ITGA10: variants seen among roughly 807,000 people sequenced by gnomAD.
The protein encoded by ITGA10 is integrin alpha-10.
A neutral mutation model predicts 145.2 loss-of-function variants in ITGA10; 105 were observed. That is an observed-to-expected ratio of 0.72 (90% confidence interval 0.62 to 0.85). ITGA10 has a LOEUF of 0.85. Ranked by LOEUF, ITGA10 falls within the 40% of genes least tolerant of loss-of-function variation. ITGA10 has a pLI of 0.00. For synonymous variants in ITGA10, 506 were observed against 557.8 expected (o/e 0.91, Z 1.31); for missense variants, 1,317 against 1,444.5 (o/e 0.91, Z 1.43).
At chr1:145,906,077 G>T in intron 5 of ITGA10, 1 of 295,304 alleles carries the variant, frequency 3.4e-6, no homozygotes. Context: ...ATGCACTAGC[G>T]CACCCAGCTA....
rs182663887 is a variant in ITGA10 at position 145,894,745 on chromosome 1, T to G, written c.3228+535A>C. 1.1e-3 allele frequency among the ~76,000 whole-genome samples: 173 copies of G among 152,292 alleles called. 1 individual carries two copies. Among genetic ancestry groups the G allele is most frequent in the African/African-American group, 4.0e-3 (168 of 41,564 alleles). On this transcript the variant is annotated intron_variant, in intron 27 of 29. Coordinates refer to ENST00000369304, the MANE Select transcript of ITGA10 (RefSeq NM_003637.5). The stretch of plus-strand genomic sequence containing the variant: ...ATCCCTCTCACCTATACAATCTTAC[T>G]TCCCACCACTCCCCAGTACAAATCC...
intron 1 of ITGA10, among the ~76,000 whole-genome samples, chr1:145,909,598 G>GTATATTATATATAATATATAATTATGTTA (rs1559218508): frequency 2.3e-5 from 3 of 130,004 alleles, no homozygotes; most frequent in East Asian, 2.1e-4. Flanking sequence ...CATATTATAT[G>GTATATTATATATAATATATAATTATGTTA]TATATTATAT....
At chr1:145,900,214 G>A (rs781811429) in intron 14 of ITGA10, 27 bp from the exon 15 acceptor site, 2 of 1,594,160 alleles carry the variant, frequency 1.3e-6, no homozygotes, top group South Asian at 2.3e-5. Context: ...GAATACTGAG[G>A]CAGGGACCCA....
intron 6 of ITGA10, 61 bp downstream of exon 6, chr1:145,904,623 C>T (rs1656864298): frequency 5.7e-6 from 9 of 1,588,726 alleles, no homozygotes; most frequent in Admixed American, 3.3e-5. Flanking sequence ...GATCCTCCCA[C>T]CTCCACCTCT....
At position 145,898,155 on chromosome 1, in the gene ITGA10, T is replaced by G; in HGVS notation, c.2301A>C (p.Pro767=). The G allele has an allele frequency of 6.2e-7, 1 of 1,614,074 alleles. No homozygotes were observed. The highest frequency in any genetic ancestry group is 8.5e-7 in the Non-Finnish European group (1 of 1,179,986). ...GTGAGCCCTCATTCAGCACAGGCCC[T>G]GGCTTTGTAGTATTGTCCAAGGCAA... ...VTFALDNTTK[P]GPVLNEGSPT... Residue 767 remains proline, a synonymous_variant, in exon 18 of 30, where the codon CCA becomes CCC. Coordinates refer to ENST00000369304, the MANE Select transcript of ITGA10 (RefSeq NM_003637.5).
In ITGA10 at chr1:145,904,588, T is replaced by C. The variant is rs587748542; in HGVS notation, c.609+96A>G. On this transcript the variant is annotated intron_variant, in intron 6 of 29. Transcript: ENST00000369304. ...TGAGGTCTCACTGTATTGCCCAGGC[T>C]AGTCTTGAACTCCTGGCCTCAGGGG... 3.1e-6 allele frequency: 4 copies of C among 1,306,072 alleles called. 1 individual carries two copies. The South Asian group carries it at 5.0e-5, about 16-fold the overall frequency. 80.9% of individuals were successfully genotyped at this position (1,306,072 alleles called of 1,614,324 possible). A position where few individuals can be genotyped will look rare whatever the true frequency, so the allele number is the denominator to read the frequency against.
Position 145,893,584 on chromosome 1 carries a change from C to A in ITGA10, c.3280G>T (p.Glu1094Ter). ...VVSTFELGTEEGSVLQLTEAS... is the reference protein window; with the variant it reads ...VVSTFELGTE ...TCAGTCAGCTGTAGGACACTGCCCT[C>A]TTCGGTTCCCAGCTCAAAGGTGCTG... Residue 1094 changes from glutamate to a stop codon, truncating the protein, a stop_gained, in exon 28 of 30, where the codon GAG (glutamate) becomes TAG (stop). Coordinates refer to ENST00000369304, the MANE Select transcript of ITGA10 (RefSeq NM_003637.5). LOFTEE classifies it high-confidence loss of function. The A allele has an allele frequency of 6.2e-7, 1 of 1,613,398 alleles. No homozygotes were observed. Among genetic ancestry groups the A allele is most frequent in the East Asian group, 2.2e-5 (1 of 44,864 alleles).
At position 145,906,691 on chromosome 1, in the gene ITGA10, T is replaced by G. The variant is rs200514777; in HGVS notation, c.366+42A>C. On this transcript the variant is annotated intron_variant, in intron 4 of 29. Transcript: ENST00000369304. ...TACCACACTTCTCTTTTTTCTTTTA[T>G]GGACCTTCAGAGACACTGCCACCAC... 2.7e-5 allele frequency: 40 copies of G among 1,495,210 alleles called. No homozygotes were observed. In the Admixed American group the frequency reaches 4.8e-4, roughly 18 times the overall value. The allele number at this position is 1,495,210 out of a possible 1,614,324, so 92.6% of individuals were successfully genotyped here. A position where few individuals can be genotyped will look rare whatever the true frequency, so the allele number is the denominator to read the frequency against.
chr1:145,892,941 G>T, intron 29 of ITGA10, 78 bp from the exon 30 acceptor site: 1 of 1,136,236 alleles, frequency 8.8e-7, no homozygotes, highest in Non-Finnish European at 1.3e-6. Context: ...CTTATCTGAG[G>T]TCTTCACTTT....
chr1:145,893,881 G>A (rs1223854252), intron 27 of ITGA10, among the ~76,000 whole-genome samples: 1 of 151,882 alleles, frequency 6.6e-6, no homozygotes, highest in Non-Finnish European at 1.5e-5. Flanking sequence ...TACCTGAAAT[G>A]CATTCTACTC....
intron 28 of ITGA10, 88 bp from the exon 29 acceptor site, chr1:145,893,362 G>GAATA: frequency 9.5e-7 from 1 of 1,055,760 alleles, no homozygotes; most frequent in East Asian, 2.4e-5. Context: ...CCCCCAAATA[G>GAATA]AATAAATAAC....
In ITGA10 at chr1:145,902,281, T is replaced by C; in HGVS notation, c.1114A>G (p.Met372Val). 1 of 1,614,160 alleles carries C rather than the reference T, an allele frequency of 6.2e-7. No individual in the cohort carries two copies. The highest frequency in any genetic ancestry group is 1.1e-5 in the South Asian group (1 of 91,080). Reference sequence around the variant, plus strand: ...TGAGTGGAGAAACCAATCTGAGACATTTCCAGCCCAAAGGAGCTTTCGTTT... The same window carrying C: ...TGAGTGGAGAAACCAATCTGAGACACTTCCAGCCCAAAGGAGCTTTCGTTT... ...AENESSFGLE[M>V]SQIGFSTHRL... The change falls in exon 10 of 30, where the codon ATG (methionine) becomes GTG (valine). Residue 372 changes from methionine to valine, a missense_variant. By Grantham distance (21) the Met-to-Val change is conservative. Transcript: ENST00000369304.
intron 17 of ITGA10, 24 bp downstream of exon 17, chr1:145,898,912 A>C (rs587763696): frequency 3.1e-6 from 5 of 1,603,010 alleles, no homozygotes; most frequent in Non-Finnish European, 3.4e-6. Flanking sequence ...CCCTGATGCT[A>C]AGCAGTTACT....
At chr1:145,908,991 GA>G (rs587619059) in intron 1 of ITGA10, among the ~76,000 whole-genome samples, 35 of 151,804 alleles carry the variant, frequency 2.3e-4, no homozygotes, top group Admixed American at 1.2e-3. Context: ...GGCTTAGGAT[GA>G]AGATTTTATA....
intron 27 of ITGA10, among the ~76,000 whole-genome samples, chr1:145,894,061 C>T (rs1321229169): frequency 6.7e-6 from 1 of 149,370 alleles, no homozygotes; most frequent in African/African-American, 2.5e-5. Context: ...GCCTTACTAA[C>T]CTTTGTGTCC....
chr1:145,907,280 T>C (rs980753806), intron 2 of ITGA10, 74 bp downstream of exon 2: 13 of 1,611,104 alleles, frequency 8.1e-6, no homozygotes, highest in African/African-American at 1.3e-5. Context: ...TAGTTTAGAG[T>C]CCCATCTATC....
Position 145,907,384 on chromosome 1 carries a change from A to G in ITGA10, c.134T>C (p.Val45Ala), listed in dbSNP as rs782504939. The G allele has an allele frequency of 6.2e-7, 1 of 1,614,082 alleles. No homozygotes were observed. Among genetic ancestry groups the G allele is most frequent in the South Asian group, 1.1e-5 (1 of 91,072 alleles). ...CTGTCCACCCCCAACATGTTGTAAG[A>G]CACTGTATCCAAATTCAGCTTCTGG... ...GPPEAEFGYS[V>A]LQHVGGGQRW... The change falls in exon 2 of 30, where the codon GTC becomes GCC. Residue 45 changes from valine (V) to alanine (A), a missense_variant. By Grantham distance (64) the Val-to-Ala change is moderately conservative (BLOSUM62 0). Transcript: ENST00000369304.
At chr1:145,896,406 G>A (rs1213105366) in intron 23 of ITGA10, 54 bp from the exon 24 acceptor site, 17 of 1,362,998 alleles carry the variant, frequency 1.2e-5, no homozygotes, top group Admixed American at 3.4e-5. Context: ...CACAGACACA[G>A]GGGCACATGA....
chr1:145,900,682 C>A, intron 14 of ITGA10, 108 bp downstream of exon 14: 1 of 1,169,922 alleles, frequency 8.5e-7, no homozygotes, highest in Non-Finnish European at 1.2e-6. Flanking sequence ...CTAATAAAAG[C>A]ACTTGTTCAG....
Sources: allele counts gnomAD v4.1 joint callset (sites outside exome capture counted in the v4.1 genomes callset), GRCh38; gene constraint gnomAD v4.1.1; transcripts MANE v1.5; gene names NCBI Gene and HGNC (gene_info 2026-07-23, HGNC 2026-07-21).